Variants in KALRN observed in about 807,000 individuals in gnomAD.
KALRN encodes the protein kalirin RhoGEF kinase, also known as kalirin.
A neutral mutation model predicts 353.7 loss-of-function variants in KALRN; 70 were observed. The ratio of observed to expected loss-of-function variants is 0.20; its 90% CI spans 0.16 to 0.24. The LOEUF (loss-of-function observed/expected upper bound fraction) is 0.24. Ranked by LOEUF, KALRN falls within the 10% of genes least tolerant of loss-of-function variation. The pLI is 1.00. For missense variants in KALRN, 2,791 were observed against 3,756.7 expected (o/e 0.74, Z 6.72); for synonymous variants, 1,391 against 1,434.8 (o/e 0.97, Z 0.69).
At chr3:124,086,921 T>G (rs888399070) in intron 1 of KALRN, among the ~76,000 whole-genome samples, 1 of 152,222 alleles carries the variant, frequency 6.6e-6, no homozygotes, top group African/African-American at 2.4e-5. Flanking sequence ...TCCTGCTCTA[T>G]GCCTTGCGTT....
chr3:124,452,688 C>T (rs556095549), intron 21 of KALRN, among the ~76,000 whole-genome samples: 2 of 152,176 alleles, frequency 1.3e-5, no homozygotes, highest in South Asian at 2.1e-4. Context: ...TGGGGAAGGG[C>T]GTGTCTACAC....
At chr3:124,556,597 G>C (rs2071282365) in intron 33 of KALRN, among the ~76,000 whole-genome samples, 2 of 152,126 alleles carry the variant, frequency 1.3e-5, no homozygotes, top group South Asian at 4.2e-4. Context: ...AGTGGCCCTA[G>C]AGCAAAATTG....
intron 51 of KALRN, among the ~76,000 whole-genome samples, chr3:124,686,584 T>C (rs966523005): frequency 7.2e-5 from 11 of 152,054 alleles, no homozygotes; most frequent in Admixed American, 2.0e-4. Flanking sequence ...GTATATGGTC[T>C]GAGTACCTGG....
rs897555956 is a variant in KALRN at position 124,660,488 on chromosome 3, C to A, written c.6217-435C>A. On this transcript the variant is annotated intron_variant, in intron 43 of 59. Coordinates refer to ENST00000682506, the MANE Select transcript of KALRN (RefSeq NM_001388419.1). Reference sequence around the variant, plus strand: ...CCTGAGGTCAGGAGTTTGAGACCAACCTGGCCAACATGGTGAAACACATCT... The same window carrying A: ...CCTGAGGTCAGGAGTTTGAGACCAAACTGGCCAACATGGTGAAACACATCT... Among the ~76,000 whole-genome samples the A allele has an allele frequency of 1.5e-4, 23 of 151,946 alleles. 1 individual carries two copies. The highest frequency in any genetic ancestry group is 5.6e-4 in the African/African-American group (23 of 41,360).
chr3:124,457,695 G>A lies in KALRN; in HGVS notation c.3854+967G>A, dbSNP rs540604586. Among the ~76,000 whole-genome samples the A allele has an allele frequency of 3.3e-5, 5 of 152,282 alleles. No individual in the cohort carries two copies. In the East Asian group the frequency reaches 9.6e-4, roughly 29 times the overall value. On this transcript the variant is annotated intron_variant, in intron 23 of 59. Coordinates refer to ENST00000682506, the MANE Select transcript of KALRN (RefSeq NM_001388419.1). The stretch of plus-strand genomic sequence containing the variant: ...ATATAATAAGTCTTAGAAAAGTCAA[G>A]TAATTTTCCCCAAACCACACAGATG...
At chr3:124,100,274 A>T (rs1040338757) in intron 1 of KALRN, 1 of 152,118 alleles carries the variant, frequency 6.6e-6, no homozygotes, top group Non-Finnish European at 1.5e-5. Context: ...TATATTCTGG[A>T]TATCAGTCCC....
intron 34 of KALRN, chr3:124,584,788 G>C: frequency 6.3e-7 from 1 of 1,581,394 alleles, no homozygotes; most frequent in Non-Finnish European, 8.6e-7. Flanking sequence ...CTGGCGCCCC[G>C]TGCCATGCGG....
chr3:124,511,488 C>T (rs777515497), intron 33 of KALRN, among the ~76,000 whole-genome samples: 2 of 152,196 alleles, frequency 1.3e-5, no homozygotes, highest in Non-Finnish European at 2.9e-5. Context: ...GGAGGACTCT[C>T]ATGATAGCAT....
Position 124,384,888 on chromosome 3 carries a change from A to G in KALRN, c.1814A>G (p.Gln605Arg). Residue 605 changes from glutamine (Q) to arginine (R), a missense_variant, in exon 11 of 60, where the codon CAG (glutamine) becomes CGG (arginine). Coordinates refer to ENST00000682506, the MANE Select transcript of KALRN (RefSeq NM_001388419.1). ...NADKLLEAAE[Q>R]LAQTGECDPE... is the part of the protein sequence containing the mutation. ...GACAAGCTCCTAGAAGCAGCAGAGC[A>G]GTTGGCTCAGACGGGGGAATGTGAC... 2 of 1,612,954 alleles carry G rather than the reference A, an allele frequency of 1.2e-6. No individual in the cohort carries two copies. Among genetic ancestry groups the G allele is most frequent in the Non-Finnish European group, 1.7e-6 (2 of 1,179,362 alleles).
At chr3:124,173,390 C>T (rs886193656) in intron 1 of KALRN, among the ~76,000 whole-genome samples, 1 of 152,162 alleles carries the variant, frequency 6.6e-6, no homozygotes, top group Non-Finnish European at 1.5e-5. Context: ...GAACAAAGGA[C>T]AGACAGAATT....
intron 34 of KALRN, among the ~76,000 whole-genome samples, chr3:124,606,298 C>G (rs2077340440): frequency 6.6e-6 from 1 of 152,174 alleles, no homozygotes; most frequent in Non-Finnish European, 1.5e-5. Context: ...TGTCTCCTCT[C>G]TTAGATGGGA....
chr3:124,709,760 G>A (rs2062803379), intron 57 of KALRN, among the ~76,000 whole-genome samples: 1 of 152,036 alleles, frequency 6.6e-6, no homozygotes, highest in Non-Finnish European at 1.5e-5. Context: ...AGAGAAGAAG[G>A]AATTGTTTCT....
intron 1 of KALRN, among the ~76,000 whole-genome samples, chr3:124,177,156 C>T (rs1254178307): frequency 6.6e-6 from 1 of 152,200 alleles, no homozygotes; most frequent in Non-Finnish European, 1.5e-5. Flanking sequence ...TTTCTTTATT[C>T]TCTGTCCCTT....
intron 1 of KALRN, among the ~76,000 whole-genome samples, chr3:124,205,132 C>T (rs956149505): frequency 3.3e-5 from 5 of 152,170 alleles, no homozygotes; most frequent in East Asian, 1.9e-4. Context: ...TAGTCAGTGA[C>T]GTGCTGGCAA....
At chr3:124,477,131 A>G (rs2061501963) in intron 26 of KALRN, 114 bp from the exon 27 acceptor site, 3 of 619,966 alleles carry the variant, frequency 4.8e-6, no homozygotes, top group Non-Finnish European at 8.5e-6. Flanking sequence ...TAGAAAATCT[A>G]GACACTGGTG....
At chr3:124,698,729 C>A (rs1267725634) in intron 55 of KALRN, among the ~76,000 whole-genome samples, 3 of 152,120 alleles carry the variant, frequency 2.0e-5, no homozygotes, top group African/African-American at 7.2e-5. Flanking sequence ...AGTTCTACAC[C>A]CCCTATCCCC....
intron 1 of KALRN, chr3:124,164,064 C>A (rs1317993808): frequency 2.6e-6 from 2 of 769,538 alleles, no homozygotes; most frequent in Non-Finnish European, 3.2e-6. Flanking sequence ...ATAGCTATCA[C>A]TGCATCCAGA....
At chr3:124,255,861 C>T (rs1052002285) in intron 3 of KALRN, among the ~76,000 whole-genome samples, 2 of 152,056 alleles carry the variant, frequency 1.3e-5, no homozygotes, top group Non-Finnish European at 2.9e-5. Context: ...TGGGCAAGCA[C>T]AAAGGCATAG....
intron 1 of KALRN, among the ~76,000 whole-genome samples, chr3:124,135,392 G>A (rs1424987607): frequency 6.6e-6 from 1 of 152,076 alleles, no homozygotes; most frequent in East Asian, 1.9e-4. Context: ...GTGGGAGGGG[G>A]GCAAGGGATA....
Sources: gnomAD v4.1 joint callset for allele counts (sites outside exome capture counted in the v4.1 genomes callset) on GRCh38, gnomAD v4.1.1 for gene constraint, MANE v1.5 for transcripts, NCBI Gene and HGNC (gene_info 2026-07-23, HGNC 2026-07-21) for gene names.